The following HSDL1 variants were observed in gnomAD, a reference collection of about 807,000 sequenced individuals.
The protein encoded by HSDL1 is hydroxysteroid dehydrogenase like 1, also known as inactive hydroxysteroid dehydrogenase-like protein 1.
HSDL1 carries 29 observed loss-of-function variants against 31.5 expected under a neutral mutation model. The observed-to-expected ratio is 0.92, with a 90% CI of 0.69 to 1.26. HSDL1 has a LOEUF of 1.26. HSDL1 is among the 50% of genes most tolerant of loss of function. The pLI is 0.00. For missense variants in HSDL1, 503 were observed against 416.6 expected (o/e 1.21, Z -1.81); for synonymous variants, 222 against 155.2 (o/e 1.43, Z -3.20).
At chr16:84,124,849 A>G (rs961128922) in intron 5 of HSDL1, 121 bp from the exon 6 acceptor site, 3 of 635,140 alleles carry the variant, frequency 4.7e-6, no homozygotes, top group Non-Finnish European at 8.6e-6. Flanking sequence ...ATCAATCACA[A>G]CAAATACCCA....
chr16:84,141,660 T>C (rs897041460), intron 1 of HSDL1, among the ~76,000 whole-genome samples: 2 of 152,252 alleles, frequency 1.3e-5, no homozygotes, highest in Non-Finnish European at 2.9e-5. Context: ...CACTGGCTGG[T>C]AGCGTCCAAA....
chr16:84,131,104 C>T lies in HSDL1; in HGVS notation c.218G>A (p.Ser73Asn). ...ATTTTGATTATAAAGTAGGTTACCG[C>T]TGACAACGGCCCATCTTCCATACTG... ...IKQYGRWAVV[S>N]GATDGIGKAY... Residue 73 changes from serine (S) to asparagine (N), a missense_variant and splice_region_variant, in exon 3 of 6, where the codon AGC becomes AAC. By Grantham distance (46) the Ser-to-Asn change is conservative. Coordinates refer to ENST00000219439, the MANE Select transcript of HSDL1 (RefSeq NM_031463.5). 6.2e-7 allele frequency: 1 copy of T among 1,605,108 alleles called. No individual in the cohort carries two copies. The highest frequency in any genetic ancestry group is 8.5e-7 in the Non-Finnish European group (1 of 1,172,848).
At chr16:84,141,436 G>C (rs541373462) in intron 1 of HSDL1, among the ~76,000 whole-genome samples, 3 of 152,154 alleles carry the variant, frequency 2.0e-5, no homozygotes, top group Non-Finnish European at 4.4e-5. Context: ...TGCTAGGCAC[G>C]TGCACTGTTT....
chr16:84,129,700 G>T lies in HSDL1; in HGVS notation c.742C>A (p.Pro248Thr). Residue 248 changes from proline to threonine, a missense_variant, in exon 5 of 6, where the codon CCT becomes ACT. By Grantham distance (38) the Pro-to-Thr change is conservative. Coordinates refer to ENST00000219439, the MANE Select transcript of HSDL1 (RefSeq NM_031463.5). ...GTCATGCTGGTGGCTACATAGAAAG[G>T]GATTAGACTCTGTACAAAGATTCCT... ...SKGIFVQSLI[P>T]FYVATSMTAP... 1 of 1,614,098 alleles carries T rather than the reference G, an allele frequency of 6.2e-7. No homozygotes were observed. Among genetic ancestry groups the T allele is most frequent in the Non-Finnish European group, 8.5e-7 (1 of 1,180,024 alleles).
At chr16:84,137,324 C>T (rs1057003962) in intron 1 of HSDL1, among the ~76,000 whole-genome samples, 1 of 152,210 alleles carries the variant, frequency 6.6e-6, no homozygotes, top group Non-Finnish European at 1.5e-5. Context: ...ATTAGGAAGT[C>T]CCCCGCATGC....
At chr16:84,135,314 A>G (rs530100931) in intron 2 of HSDL1, among the ~76,000 whole-genome samples, 1 of 152,308 alleles carries the variant, frequency 6.6e-6, no homozygotes, top group East Asian at 1.9e-4. Context: ...CCAAAGCAGT[A>G]TTTGTGGGGA....
chr16:84,140,915 C>A (rs1301391181), intron 1 of HSDL1, among the ~76,000 whole-genome samples: 3 of 151,936 alleles, frequency 2.0e-5, no homozygotes, highest in Non-Finnish European at 4.4e-5. Flanking sequence ...CACGGTGAAA[C>A]CCCGTCTCTA....
At chr16:84,138,687 AC>A (rs758278598) in intron 1 of HSDL1, among the ~76,000 whole-genome samples, 29 of 152,250 alleles carry the variant, frequency 1.9e-4, no homozygotes, top group Non-Finnish European at 3.5e-4. Context: ...GAAAACTAAA[AC>A]ATCTGTGAAC....
At chr16:84,131,367 T>A in intron 2 of HSDL1, 40 bp from the exon 3 acceptor site, 1 of 1,388,530 alleles carries the variant, frequency 7.2e-7, no homozygotes, top group Non-Finnish European at 1.0e-6. Context: ...CTTTGATTAA[T>A]AAATTAAAGG....
At chr16:84,143,027 C>G (rs1350787118) in intron 1 of HSDL1, among the ~76,000 whole-genome samples, 1 of 152,164 alleles carries the variant, frequency 6.6e-6, no homozygotes, top group African/African-American at 2.4e-5. Context: ...CATCCAAGAT[C>G]CAACACTCTT....
In HSDL1 at chr16:84,123,105, G is replaced by C. The variant is rs1345643843; in HGVS notation, c.*1525C>G. On this transcript the variant is annotated 3_prime_UTR_variant, in exon 6 of 6. Transcript: ENST00000219439. The stretch of plus-strand genomic sequence containing the variant: ...GGCTCACAGCATCTCCCAGTGTGTA[G>C]ATTTTCACATCTAAGTTCTGAAGAC... 6.6e-6 allele frequency: 1 copy of C among 152,190 alleles called. No homozygotes were observed. Among genetic ancestry groups the C allele is most frequent in the East Asian group, 1.9e-4 (1 of 5,200 alleles). The allele number at this position is 152,190 out of a possible 1,614,324, so 9.4% of individuals were successfully genotyped here. A position where few individuals can be genotyped will look rare whatever the true frequency, so the allele number is the denominator to read the frequency against.
At chr16:84,130,561 T>A in intron 3 of HSDL1, 130 bp from the exon 4 acceptor site, 2 of 714,458 alleles carry the variant, frequency 2.8e-6, no homozygotes, top group Non-Finnish European at 4.6e-6. Flanking sequence ...TTCTAGTATC[T>A]ACAAGTCAAG....
chr16:84,135,463 A>T (rs2086703934), intron 2 of HSDL1, 81 bp downstream of exon 2: 1 of 151,906 alleles, frequency 6.6e-6, no homozygotes, highest in African/African-American at 2.4e-5. Context: ...TTTTGAAGTA[A>T]ATGTCTAGCA....
intron 1 of HSDL1, among the ~76,000 whole-genome samples, chr16:84,138,239 AT>A (rs772997026): frequency 6.6e-6 from 1 of 152,258 alleles, no homozygotes; most frequent in Non-Finnish European, 1.5e-5. Flanking sequence ...ATTCTGATTC[AT>A]GTACAATCTA....
intron 3 of HSDL1, 25 bp from the exon 4 acceptor site, chr16:84,130,456 A>G: frequency 2.5e-6 from 4 of 1,579,184 alleles, no homozygotes; most frequent in Non-Finnish European, 3.4e-6. Flanking sequence ...AGGAAAAGTG[A>G]GCATGTGTAT....
chr16:84,135,277 C>G (rs2086702302), intron 2 of HSDL1, among the ~76,000 whole-genome samples: 3 of 151,674 alleles, frequency 2.0e-5, no homozygotes. Context: ...AAAACAGATA[C>G]TACATATCAA....
At chr16:84,142,405 G>A (rs1170843713) in intron 1 of HSDL1, among the ~76,000 whole-genome samples, 1 of 149,414 alleles carries the variant, frequency 6.7e-6, no homozygotes, top group Non-Finnish European at 1.5e-5. Flanking sequence ...GTTTTGTGAT[G>A]GTGTGAGGCT....
chr16:84,137,307 G>A (rs1295391876), intron 1 of HSDL1, among the ~76,000 whole-genome samples: 4 of 152,184 alleles, frequency 2.6e-5, no homozygotes, highest in African/African-American at 4.8e-5. Flanking sequence ...TGGCCTACTC[G>A]GGAAACATTA....
intron 3 of HSDL1, 169 bp downstream of exon 3, chr16:84,130,933 A>T: frequency 3.2e-6 from 2 of 623,878 alleles, no homozygotes. Flanking sequence ...AGTTCTTCCT[A>T]AGATGAGAGC....
Sources: gnomAD v4.1 joint callset for allele counts (sites outside exome capture counted in the v4.1 genomes callset) on GRCh38, gnomAD v4.1.1 for gene constraint, MANE v1.5 for transcripts, NCBI Gene and HGNC (gene_info 2026-07-23, HGNC 2026-07-21) for gene names.